The following KCNH7 variants were observed in gnomAD, a reference collection of about 807,000 sequenced individuals.
KCNH7 encodes the protein voltage-gated inwardly rectifying potassium channel KCNH7.
A neutral mutation model predicts 120.8 loss-of-function variants in KCNH7; 49 were observed. The observed-to-expected ratio is 0.41, with a 90% confidence interval of 0.32 to 0.51. The LOEUF is 0.51. Ranked by LOEUF, KCNH7 falls within the 20% of genes least tolerant of loss-of-function variation. KCNH7 has a pLI of 0.38. For synonymous variants in KCNH7, 547 were observed against 516.1 expected (o/e 1.06, Z -0.81); for missense variants, 1,097 against 1,446.6 (o/e 0.76, Z 3.92).
intron 6 of KCNH7, among the ~76,000 whole-genome samples, chr2:162,453,736 T>A (rs1162659175): frequency 1.3e-5 from 2 of 152,226 alleles, no homozygotes; most frequent in African/African-American, 4.8e-5. Context: ...TTTTTTCATA[T>A]GTTTCTTGGC....
intron 2 of KCNH7, among the ~76,000 whole-genome samples, chr2:162,771,411 C>T (rs1440097650): frequency 6.6e-6 from 1 of 152,010 alleles, no homozygotes; most frequent in Non-Finnish European, 1.5e-5. Flanking sequence ...TCTATCCCAA[C>T]TTCTAGATGT....
intron 2 of KCNH7, among the ~76,000 whole-genome samples, chr2:162,563,707 G>A (rs1237414729): frequency 1.3e-5 from 2 of 152,096 alleles, no homozygotes; most frequent in Admixed American, 6.6e-5. Flanking sequence ...TTGGGTGAAA[G>A]CATGTAATTA....
chr2:162,540,499 A>C (rs1298253150), intron 2 of KCNH7, among the ~76,000 whole-genome samples: 1 of 152,084 alleles, frequency 6.6e-6, no homozygotes, highest in African/African-American at 2.4e-5. Flanking sequence ...TTACAATAAG[A>C]TGATGGGACT....
At chr2:162,593,707 C>A (rs1339191245) in intron 2 of KCNH7, among the ~76,000 whole-genome samples, 2 of 151,912 alleles carry the variant, frequency 1.3e-5, no homozygotes, top group East Asian at 1.9e-4. Flanking sequence ...CAGCCATGAA[C>A]CTATTTGACA....
intron 2 of KCNH7, among the ~76,000 whole-genome samples, chr2:162,679,959 G>A (rs540938518): frequency 4.0e-4 from 60 of 151,778 alleles, no homozygotes; most frequent in African/African-American, 1.3e-3. Context: ...TGGAACACAC[G>A]CCATATTTAA....
chr2:162,668,650 T>G (rs1261356929), intron 2 of KCNH7, among the ~76,000 whole-genome samples: 2 of 152,082 alleles, frequency 1.3e-5, no homozygotes, highest in Non-Finnish European at 2.9e-5. Context: ...AATGTTCTCC[T>G]AGATAAAGTT....
chr2:162,765,234 A>C (rs1682742982), intron 2 of KCNH7, among the ~76,000 whole-genome samples: 1 of 152,236 alleles, frequency 6.6e-6, no homozygotes, highest in Non-Finnish European at 1.5e-5. Flanking sequence ...GTTAATTTCA[A>C]AACTCCACTA....
intron 14 of KCNH7, among the ~76,000 whole-genome samples, chr2:162,375,457 T>A (rs1174385136): frequency 1.6e-4 from 25 of 152,218 alleles, no homozygotes; most frequent in Admixed American, 1.6e-3. Context: ...GGCTTCAGCA[T>A]CCATACATCC....
rs561222477 is a variant in KCNH7 at position 162,833,884 on chromosome 2, T to A, written c.307+2653A>T. Among the ~76,000 whole-genome samples the A allele has an allele frequency of 1.3e-5, 2 of 152,262 alleles. 1 individual carries two copies. The highest frequency in any genetic ancestry group is 4.8e-5 in the African/African-American group (2 of 41,586). On this transcript the variant is annotated intron_variant, in intron 2 of 15. Coordinates refer to ENST00000332142, the MANE Select transcript of KCNH7 (RefSeq NM_033272.4). ...ATGGAAGAAATGGAAACAGAATATATCAACTTTTTGTTAATTTGTTCATTG... is the reference window on the plus strand; with the variant it reads ...ATGGAAGAAATGGAAACAGAATATAACAACTTTTTGTTAATTTGTTCATTG...
chr2:162,668,772 T>C (rs940584479), intron 2 of KCNH7, among the ~76,000 whole-genome samples: 8 of 152,134 alleles, frequency 5.3e-5, no homozygotes, highest in African/African-American at 1.7e-4. Context: ...ATTTTAAGTA[T>C]TGGGATGACC....
rs567628362 is a variant in KCNH7 at position 162,457,484 on chromosome 2, ACTG to A, written c.1129-11044_1129-11042del. 9.8e-5 allele frequency among the ~76,000 whole-genome samples: 15 copies of A among 152,302 alleles called. No homozygotes were observed. The South Asian group carries it at 3.1e-3, about 32-fold the overall frequency. On this transcript the variant is annotated intron_variant, in intron 6 of 15. Transcript: ENST00000332142. ...ATACAATTTTTCTTCATGCTAGTACACTGCTATTTGTTTAACCTCTAACAGTTA... is the reference window on the plus strand; with the variant it reads ...ATACAATTTTTCTTCATGCTAGTACACTATTTGTTTAACCTCTAACAGTTA...
At chr2:162,815,878 C>T (rs1042830874) in intron 2 of KCNH7, among the ~76,000 whole-genome samples, 5 of 152,044 alleles carry the variant, frequency 3.3e-5, no homozygotes, top group African/African-American at 1.2e-4. Flanking sequence ...TCCATCTGAC[C>T]ACATAAGTAG....
Position 162,477,574 on chromosome 2 carries a change from T to G in KCNH7, c.1128+26869A>C, listed in dbSNP as rs529064371. The stretch of plus-strand genomic sequence containing the variant: ...CTAAAAAAAAGCAGGTTGTCATTTC[T>G]GTCTTCACAGGGAATAACACTGATA... On this transcript the variant is annotated intron_variant, in intron 6 of 15. Coordinates refer to ENST00000332142, the MANE Select transcript of KCNH7 (RefSeq NM_033272.4). 2.0e-5 allele frequency among the ~76,000 whole-genome samples: 3 copies of G among 152,376 alleles called. No individual in the cohort carries two copies. The East Asian group carries it at 5.8e-4, about 29-fold the overall frequency.
At chr2:162,465,204 C>T (rs1265174319) in intron 6 of KCNH7, among the ~76,000 whole-genome samples, 3 of 152,076 alleles carry the variant, frequency 2.0e-5, no homozygotes, top group Admixed American at 6.5e-5. Flanking sequence ...AACTGTGAAA[C>T]AAATTATCTC....
intron 2 of KCNH7, among the ~76,000 whole-genome samples, chr2:162,769,282 C>A (rs764884560): frequency 6.6e-6 from 1 of 152,076 alleles, no homozygotes; most frequent in Middle Eastern, 3.2e-3. Flanking sequence ...GTATTGCAAG[C>A]TCCCTAGAAG....
chr2:162,742,968 T>C (rs1411134073), intron 2 of KCNH7, among the ~76,000 whole-genome samples: 2 of 152,232 alleles, frequency 1.3e-5, no homozygotes, highest in African/African-American at 4.8e-5. Context: ...TGTTATTCTT[T>C]GCTTTCAGTA....
intron 13 of KCNH7, among the ~76,000 whole-genome samples, 160 bp downstream of exon 13, chr2:162,384,528 A>G (rs1686517765): frequency 6.6e-6 from 1 of 151,936 alleles, no homozygotes; most frequent in Admixed American, 6.6e-5. Context: ...AATAGTGCAA[A>G]CACTTCATGG....
At position 162,487,822 on chromosome 2, in the gene KCNH7, T is replaced by C. The variant is rs184258604; in HGVS notation, c.1128+16621A>G. On this transcript the variant is annotated intron_variant, in intron 6 of 15. Coordinates refer to ENST00000332142, the MANE Select transcript of KCNH7 (RefSeq NM_033272.4). ...TCTAAATAAGTTCCCAAGTTGGAAT[T>C]CACTTCCTAACTCAGGGAATAGCTG... Among the ~76,000 whole-genome samples, 7 of 152,324 alleles carry C rather than the reference T, an allele frequency of 4.6e-5. No individual in the cohort carries two copies. The East Asian group carries it at 1.2e-3, about 25-fold the overall frequency.
intron 6 of KCNH7, among the ~76,000 whole-genome samples, chr2:162,465,607 G>A (rs1426058862): frequency 3.3e-5 from 5 of 152,126 alleles, no homozygotes; most frequent in African/African-American, 1.2e-4. Context: ...TCAGTTGCAA[G>A]GATATTGTTT....
Sources: gnomAD v4.1 joint callset for allele counts (sites outside exome capture counted in the v4.1 genomes callset) on GRCh38, gnomAD v4.1.1 for gene constraint, MANE v1.5 for transcripts, NCBI Gene and HGNC (gene_info 2026-07-23, HGNC 2026-07-21) for gene names.